DDAH1: variants seen among roughly 807,000 people sequenced by gnomAD.
The protein encoded by DDAH1 is N(G),N(G)-dimethylarginine dimethylaminohydrolase 1.
In DDAH1, 19 loss-of-function variants were observed where a neutral mutation model predicts 28.8. The observed-to-expected ratio is 0.66, with a 90% CI of 0.46 to 0.97. The LOEUF (loss-of-function observed/expected upper bound fraction) is 0.97. Ranked by LOEUF, DDAH1 falls within the 50% of genes least tolerant of loss-of-function variation. The probability of loss-of-function intolerance (pLI) is 0.00; values close to 1 mark genes in which losing one functional copy is unlikely to be tolerated. For missense variants in DDAH1, 326 were observed against 375.9 expected (o/e 0.87, Z 1.10); for synonymous variants, 153 against 154.4 (o/e 0.99, Z 0.07).
chr1:85,444,148 G>C (rs1654328978), intron 1 of DDAH1, among the ~76,000 whole-genome samples: 1 of 152,112 alleles, frequency 6.6e-6, no homozygotes, highest in African/African-American at 2.4e-5. Flanking sequence ...ATTGGCTGTG[G>C]TTTTGTCATA....
intron 1 of DDAH1, among the ~76,000 whole-genome samples, chr1:85,400,414 A>G (rs1018851450): frequency 6.6e-6 from 1 of 151,116 alleles, no homozygotes; most frequent in African/African-American, 2.4e-5. Context: ...CTGTTGGCCA[A>G]GCTGGTCTTG....
In DDAH1 at chr1:85,486,330, A is replaced by C. The variant is rs543231489; in HGVS notation, c.-7+9836T>G. ...TATGGGAATGCTCACCAGAGTTTTC[A>C]AACCACAGACACACAAATCTGCAAA... On this transcript the variant is annotated intron_variant, in intron 2 of 6. Transcript: ENST00000426972. Among the ~76,000 whole-genome samples, 256 of 152,322 alleles carry C rather than the reference A, an allele frequency of 1.7e-3. 1 individual carries two copies. Among genetic ancestry groups the C allele is most frequent in the African/African-American group, 5.2e-3 (215 of 41,576 alleles).
At chr1:85,513,399 TA>T (rs1435149962) in intron 1 of DDAH1, among the ~76,000 whole-genome samples, 3 of 152,148 alleles carry the variant, frequency 2.0e-5, no homozygotes, top group Non-Finnish European at 4.4e-5. Flanking sequence ...ATAAAAACCC[TA>T]GAAGAAAACC....
chr1:85,467,153 A>C, upstream of DDAH1: 1 of 152,242 alleles, frequency 6.6e-6, no homozygotes, highest in Middle Eastern at 3.4e-3. Context: ...TTCTTATTAT[A>C]TATTGTTTAT....
At position 85,367,105 on chromosome 1, in the gene DDAH1, C is replaced by A. The variant is rs187413557; in HGVS notation, c.304-8258G>T. On this transcript the variant is annotated intron_variant, in intron 1 of 5. Coordinates refer to ENST00000284031, the MANE Select transcript of DDAH1 (RefSeq NM_012137.4). ...AATCCAACCCTAGAGCCCTGGAGTT[C>A]TTGATATATGAGATTTTTCATTTCC... is the stretch of plus-strand genomic sequence containing the variant. Among the ~76,000 whole-genome samples, 80 of 152,108 alleles carry A rather than the reference C, an allele frequency of 5.3e-4. 1 individual carries two copies. Among genetic ancestry groups the A allele is most frequent in the Non-Finnish European group, 1.2e-4 (8 of 68,016 alleles).
intron 1 of DDAH1, among the ~76,000 whole-genome samples, chr1:85,563,157 T>C (rs1369702104): frequency 1.3e-5 from 2 of 152,074 alleles, no homozygotes; most frequent in Admixed American, 1.3e-4. Context: ...GAGAGCTAGT[T>C]TTTTGGTGAA....
intron 1 of DDAH1, among the ~76,000 whole-genome samples, chr1:85,447,014 A>G (rs918583570): frequency 6.6e-6 from 1 of 152,200 alleles, no homozygotes; most frequent in Non-Finnish European, 1.5e-5. Context: ...TTAAAACTCA[A>G]TGGAATAAAA....
chr1:85,467,121 G>A (rs1410556992), upstream of DDAH1, among the ~76,000 whole-genome samples: 1 of 152,156 alleles, frequency 6.6e-6, no homozygotes, highest in African/African-American at 2.4e-5. Context: ...ACAGGCGTGA[G>A]CCACTGCACC....
At chr1:85,449,831 T>C (rs1172020041) in intron 1 of DDAH1, among the ~76,000 whole-genome samples, 1 of 151,868 alleles carries the variant, frequency 6.6e-6, no homozygotes, top group Non-Finnish European at 1.5e-5. Flanking sequence ...AGAGGTGTGT[T>C]TGTACTGGAG....
intron 1 of DDAH1, among the ~76,000 whole-genome samples, chr1:85,443,139 C>T (rs1654276529): frequency 6.6e-6 from 1 of 152,162 alleles, no homozygotes; most frequent in Non-Finnish European, 1.5e-5. Flanking sequence ...GGGTTTTTCT[C>T]TAGGATTTTT....
upstream of DDAH1, among the ~76,000 whole-genome samples, chr1:85,465,683 CGTGT>C (rs1292866930): frequency 2.6e-5 from 4 of 152,102 alleles, no homozygotes; most frequent in South Asian, 8.3e-4. Context: ...TGTGTGTTCG[CGTGT>C]GTGTGTGTTT....
intron 1 of DDAH1, among the ~76,000 whole-genome samples, chr1:85,564,566 T>C (rs1349737664): frequency 6.6e-6 from 1 of 152,120 alleles, no homozygotes; most frequent in Non-Finnish European, 1.5e-5. Context: ...ACATCACAAA[T>C]TGCTTAAAAA....
intron 1 of DDAH1, among the ~76,000 whole-genome samples, chr1:85,432,425 T>C (rs914915759): frequency 2.0e-5 from 3 of 152,182 alleles, no homozygotes; most frequent in South Asian, 2.1e-4. Flanking sequence ...ACTTCTGTCA[T>C]TATGCATGCT....
rs572625944 is a variant in DDAH1 at position 85,552,410 on chromosome 1, A to G, written c.-123+25574T>C. Among the ~76,000 whole-genome samples, 16 of 152,176 alleles carry G rather than the reference A, an allele frequency of 1.1e-4. No individual in the cohort carries two copies. The East Asian group carries it at 2.7e-3, about 26-fold the overall frequency. ...CTCTTAGCTTTTCCTCGTACAATATACCTTTCATTTCTACATTGCTGTGCC... is the reference window on the plus strand; with the variant it reads ...CTCTTAGCTTTTCCTCGTACAATATGCCTTTCATTTCTACATTGCTGTGCC... On this transcript the variant is annotated intron_variant, in intron 1 of 6. Coordinates refer to the DDAH1 transcript ENST00000426972.
intron 1 of DDAH1, among the ~76,000 whole-genome samples, chr1:85,393,986 T>C (rs1238107783): frequency 6.6e-6 from 1 of 152,212 alleles, no homozygotes; most frequent in Non-Finnish European, 1.5e-5. Context: ...ACATGTGTTA[T>C]ATGTATGTGA....
intron 1 of DDAH1, among the ~76,000 whole-genome samples, chr1:85,434,478 A>G (rs1414009787): frequency 6.6e-6 from 1 of 151,658 alleles, no homozygotes; most frequent in Admixed American, 6.6e-5. Flanking sequence ...GTGCAGTGGC[A>G]TGATCTTGGC....
chr1:85,487,780 A>G (rs1433996316), intron 2 of DDAH1, among the ~76,000 whole-genome samples: 5 of 152,192 alleles, frequency 3.3e-5, no homozygotes, highest in Admixed American at 3.3e-4. Flanking sequence ...TTTAAAAAAC[A>G]TATATGCAAG....
At chr1:85,544,527 A>T (rs1658561771) in intron 1 of DDAH1, among the ~76,000 whole-genome samples, 1 of 152,148 alleles carries the variant, frequency 6.6e-6, no homozygotes, top group African/African-American at 2.4e-5. Flanking sequence ...CTCTGTCCTC[A>T]GTTTACAGTC....
intron 4 of DDAH1, among the ~76,000 whole-genome samples, chr1:85,344,359 C>CA (rs1648702550): frequency 1.3e-5 from 2 of 152,038 alleles, no homozygotes; most frequent in African/African-American, 2.4e-5. Context: ...CAAAACAAGA[C>CA]AAAACAACAA....
Sources: allele counts gnomAD v4.1 joint callset (sites outside exome capture counted in the v4.1 genomes callset), GRCh38; gene constraint gnomAD v4.1.1; transcripts MANE v1.5; gene names NCBI Gene and HGNC (gene_info 2026-07-23, HGNC 2026-07-21).